PDZD2: variants seen among roughly 807,000 people sequenced by gnomAD.
The protein encoded by PDZD2 is PDZ domain containing 2.
Under a neutral mutation model 220.7 loss-of-function variants are expected in PDZD2, and 90 were observed. The observed-to-expected ratio is 0.41, with a 90% CI of 0.34 to 0.49. PDZD2 has a LOEUF of 0.49. Among genes scored for constraint, PDZD2 ranks in the 20% least tolerant of loss-of-function variants. The pLI is 0.28. For synonymous variants in PDZD2, 1,375 were observed against 1,450.5 expected, an observed-to-expected ratio of 0.95 and a Z score of 1.18; for missense variants, 3,174 against 3,608.5, an observed-to-expected ratio of 0.88 and a Z score of 3.08.
At chr5:32,075,441 T>C (rs748936422) in intron 18 of PDZD2, among the ~76,000 whole-genome samples, 4 of 152,220 alleles carry the variant, frequency 2.6e-5, no homozygotes, top group South Asian at 2.1e-4. Context: ...TGAGTGATCC[T>C]TATATTTTTC....
rs376490158 is a variant in PDZD2, at chr5:32,074,473, A to G, written c.3367A>G (p.Arg1123Gly). 34 of 1,614,242 alleles carry G rather than the reference A, an allele frequency of 2.1e-5. No individual in the cohort carries two copies. The highest frequency in any genetic ancestry group is 2.6e-5 in the Non-Finnish European group (31 of 1,180,044). The change falls in exon 18 of 25, where the codon AGG becomes GGG. Residue 1123 changes from arginine (R) to glycine (G), a missense_variant. This residue lies in a region of PDZD2 where 1,861 missense variants were observed against 2,001.0 expected (regional missense o/e 0.93). Coordinates refer to ENST00000438447, the MANE Select transcript of PDZD2 (RefSeq NM_178140.4). Reference sequence around the variant, plus strand: ...GGGCTCCAGGCACAGACCAGTGGCCAGGGTAAGCCCCCACTGCAAGAGATC... The same window carrying G: ...GGGCTCCAGGCACAGACCAGTGGCCGGGGTAAGCCCCCACTGCAAGAGATC... ...GLGSRHRPVARVSPHCKRSEA... is the reference protein window; with the variant it reads ...GLGSRHRPVAGVSPHCKRSEA...
chr5:31,698,881 G>A (rs369312008), intron 1 of PDZD2, among the ~76,000 whole-genome samples: 4 of 152,272 alleles, frequency 2.6e-5, no homozygotes, highest in East Asian at 3.9e-4. Context: ...GACCCCATCC[G>A]TCTTCCCTGC....
chr5:31,673,143 AG>A (rs1182663670), intron 1 of PDZD2, among the ~76,000 whole-genome samples: 1 of 152,334 alleles, frequency 6.6e-6, no homozygotes, highest in South Asian at 2.1e-4. Flanking sequence ...AGTCAGTGGC[AG>A]GGCTCCCCTG....
chr5:32,103,287 G>A (rs917297994), intron 24 of PDZD2, among the ~76,000 whole-genome samples: 35 of 152,172 alleles, frequency 2.3e-4, no homozygotes, highest in Admixed American at 2.0e-3. Flanking sequence ...GCAGAGTGGT[G>A]CACACCTGTG....
chr5:32,081,229 G>A (rs1055912848), intron 19 of PDZD2, among the ~76,000 whole-genome samples: 1 of 152,050 alleles, frequency 6.6e-6, no homozygotes, highest in Non-Finnish European at 1.5e-5. Context: ...GACCCCGGTG[G>A]GTGCAGATGT....
Position 31,684,502 on chromosome 5 carries a change from A to G in PDZD2, c.-361+45065A>G, listed in dbSNP as rs114270078. Among the ~76,000 whole-genome samples, 826 of 152,152 alleles carry G rather than the reference A, an allele frequency of 5.4e-3. 7 individuals carry two copies. Among genetic ancestry groups the G allele is most frequent in the African/African-American group, 0.019 (787 of 41,526 alleles). On this transcript the variant is annotated intron_variant, in intron 1 of 24. Transcript: ENST00000438447. The stretch of plus-strand genomic sequence containing the variant: ...CTTGGGTAGACCATTGCAAACTGGA[A>G]GTGCATTTCCAGAATATTCTTGTTG...
intron 2 of PDZD2, among the ~76,000 whole-genome samples, chr5:31,865,107 A>G (rs1216338526): frequency 6.6e-6 from 1 of 151,976 alleles, no homozygotes; most frequent in Non-Finnish European, 1.5e-5. Context: ...TCAGCCTCCC[A>G]AAGTGCTGGG....
chr5:31,822,506 G>A (rs1339237719), intron 2 of PDZD2: 2 of 542,980 alleles, frequency 3.7e-6, no homozygotes, highest in Non-Finnish European at 6.8e-6. Context: ...TCACATATAG[G>A]TCTTAGGAAG....
At position 32,054,312 on chromosome 5, in the gene PDZD2, C is replaced by CTTTTTTTTTTT. The variant is rs57135705; in HGVS notation, c.1900+445_1900+455dup. 4.2e-4 allele frequency among the ~76,000 whole-genome samples: 29 copies of CTTTTTTTTTTT among 69,328 alleles called. 4 individuals carry two copies. The highest frequency in any genetic ancestry group is 9.7e-4 in the African/African-American group (18 of 18,484). 45.5% of individuals were successfully genotyped at this position (69,328 alleles called of 152,430 possible). On this transcript the variant is annotated intron_variant, in intron 10 of 24. Transcript: ENST00000438447. The stretch of plus-strand genomic sequence containing the variant: ...CATAGTCTGGTTCCTAAATGAACAT[C>CTTTTTTTTTTT]TTTTTTTTTTTTTTTTTTTTTTTTT...
At chr5:31,757,042 G>A (rs1751343085) in intron 1 of PDZD2, among the ~76,000 whole-genome samples, 1 of 152,244 alleles carries the variant, frequency 6.6e-6, no homozygotes, top group African/African-American at 2.4e-5. Flanking sequence ...CCAGCACTTT[G>A]GGAGGATGCA....
At chr5:31,720,580 A>G (rs1748730107) in intron 1 of PDZD2, among the ~76,000 whole-genome samples, 1 of 152,192 alleles carries the variant, frequency 6.6e-6, no homozygotes, top group Admixed American at 6.5e-5. Flanking sequence ...AGACCCAAAG[A>G]TACAGGGGAA....
intron 8 of PDZD2, 92 bp from the exon 9 acceptor site, chr5:32,052,519 A>G: frequency 3.3e-6 from 4 of 1,201,998 alleles, no homozygotes; most frequent in Non-Finnish European, 5.0e-6. Context: ...GAAGACATCT[A>G]AGATTTTCAA....
rs531179766 is a variant in PDZD2, at chr5:31,725,420, A to G, written c.-360-73469A>G. 32 of 1,146,958 alleles carry G rather than the reference A, an allele frequency of 2.8e-5. No individual in the cohort carries two copies. The South Asian group carries it at 7.2e-4, about 26-fold the overall frequency. The allele number at this position is 1,146,958 out of a possible 1,614,324, so 71.0% of individuals were successfully genotyped here. On this transcript the variant is annotated intron_variant, in intron 1 of 24. Transcript: ENST00000438447. ...CCATTGCCTGATACAGGGAAAACTA[A>G]CAAGTGTTTTTTAAGCATCATTGCA...
At chr5:31,772,939 A>G (rs1297749368) in intron 1 of PDZD2, among the ~76,000 whole-genome samples, 2 of 152,176 alleles carry the variant, frequency 1.3e-5, no homozygotes, top group African/African-American at 4.8e-5. Context: ...TGTCTGCTTG[A>G]GAAGGTTCCA....
In PDZD2 at chr5:32,098,794, T is replaced by C. The variant is rs187241440; in HGVS notation, c.8218+160T>C. 2.7e-3 allele frequency among the ~76,000 whole-genome samples: 411 copies of C among 152,330 alleles called. No homozygotes were observed. Among genetic ancestry groups the C allele is most frequent in the Non-Finnish European group, 3.8e-3 (258 of 68,032 alleles). On this transcript the variant is annotated intron_variant, in intron 23 of 24. Transcript: ENST00000438447. This position sits in a 1 kb window ranked among gnomAD's most constrained non-coding sequence, Gnocchi z 4.1. ...TTGGATGCTGCTTACAAAAGCAGTG[T>C]TACAAATAAATTAGAAAAAAATTAG...
intron 2 of PDZD2, among the ~76,000 whole-genome samples, chr5:31,814,096 G>A (rs7718233): frequency 0.074 from 11,218 of 152,142 alleles, 990 homozygotes; most frequent in African/African-American, 0.21. Flanking sequence ...ATTTATTTGT[G>A]AGGTCACTAA....
chr5:31,671,506 G>A (rs937872841), intron 1 of PDZD2, among the ~76,000 whole-genome samples: 13 of 152,138 alleles, frequency 8.5e-5, no homozygotes, highest in African/African-American at 2.7e-4. Flanking sequence ...TCATAGCAGC[G>A]GCACAACCTC....
In PDZD2 at chr5:32,090,674, C is replaced by T. The variant is rs750348452; in HGVS notation, c.7226C>T (p.Thr2409Ile). ...SCSENQSEAG[T>I]LLPQMAKSPS... ...AGCGAAAACCAAAGCGAAGCCGGCA[C>T]CCTCCTGCCCCAGATGGCCAAGTCT... Residue 2409 changes from threonine (T) to isoleucine (I), a missense_variant, in exon 20 of 25, where the codon ACC (threonine) becomes ATC (isoleucine). This residue lies in a region of PDZD2 where 631 missense variants were observed against 789.9 expected (regional missense o/e 0.80). Coordinates refer to ENST00000438447, the MANE Select transcript of PDZD2 (RefSeq NM_178140.4). The surrounding 1 kb of genome is among the most constrained non-coding windows in gnomAD (Gnocchi z 4.3). 22 of 1,614,012 alleles carry T rather than the reference C, an allele frequency of 1.4e-5. No homozygotes were observed. In the South Asian group the frequency reaches 2.4e-4, roughly 18 times the overall value.
At chr5:31,718,353 T>G (rs572452026) in intron 1 of PDZD2, among the ~76,000 whole-genome samples, 1 of 152,290 alleles carries the variant, frequency 6.6e-6, no homozygotes, top group Non-Finnish European at 1.5e-5. Context: ...GAAGCTCCAG[T>G]CCAGGTTGCA....
Sources: allele counts gnomAD v4.1 joint callset (sites outside exome capture counted in the v4.1 genomes callset), GRCh38; gene constraint gnomAD v4.1.1; regional missense constraint gnomAD v4.1.1; non-coding constraint Gnocchi (gnomAD v3.1); transcripts MANE v1.5; gene names NCBI Gene and HGNC (gene_info 2026-07-23, HGNC 2026-07-21).